The following TRIM2 variants were observed in gnomAD, a reference collection of about 807,000 sequenced individuals.
The protein encoded by TRIM2 is tripartite motif-containing protein 2.
Under a neutral mutation model 75.2 loss-of-function variants are expected in TRIM2, and 20 were observed. The observed-to-expected ratio is 0.27, with a 90% confidence interval of 0.19 to 0.39. TRIM2 has a LOEUF of 0.39. Ranked by LOEUF, TRIM2 falls within the 10% of genes least tolerant of loss-of-function variation. TRIM2 has a pLI of 1.00. For missense variants in TRIM2, 660 were observed against 990.8 expected, an observed-to-expected ratio of 0.67 and a Z score of 4.48; for synonymous variants, 373 against 388.3, an observed-to-expected ratio of 0.96 and a Z score of 0.46.
intron 6 of TRIM2, among the ~76,000 whole-genome samples, chr4:153,312,113 G>A (rs1268491039): frequency 7.4e-6 from 1 of 135,132 alleles, no homozygotes; most frequent in Admixed American, 8.9e-5. Context: ...CCCTTCCTGT[G>A]TCCATGTGTT....
chr4:153,334,961 C>T lies in TRIM2; in HGVS notation c.2311C>T (p.Gln771Ter), dbSNP rs1158707043. ...CTGTTTCAAAGTCTATCGATACTTA[C>T]AGTAATGGTGGGCAGGTGGATACCC... ...NHCFKVYRYL[Q>*] Residue 771 changes from glutamine (Q) to a stop codon, truncating the protein, a stop_gained, in exon 12 of 12, where the codon CAG (glutamine) becomes TAG (stop). Coordinates refer to ENST00000338700, the MANE Select transcript of TRIM2 (RefSeq NM_015271.5). LOFTEE classifies it high-confidence loss of function. 6.2e-7 allele frequency: 1 copy of T among 1,612,416 alleles called. No individual in the cohort carries two copies.
At chr4:153,181,781 G>A (rs1325773356) in intron 1 of TRIM2, among the ~76,000 whole-genome samples, 6 of 152,100 alleles carry the variant, frequency 3.9e-5, no homozygotes, top group Non-Finnish European at 5.9e-5. Flanking sequence ...ACTCAGGATC[G>A]TTGGGTGCCC....
chr4:153,264,146 G>C (rs72729607), intron 1 of TRIM2, among the ~76,000 whole-genome samples: 12,849 of 152,260 alleles, frequency 0.084, 710 homozygotes, highest in Middle Eastern at 0.13. Context: ...CTGGACAAAG[G>C]GGAGTGAGCT....
intron 1 of TRIM2, among the ~76,000 whole-genome samples, chr4:153,160,359 G>A (rs893953772): frequency 2.6e-5 from 4 of 152,154 alleles, no homozygotes; most frequent in African/African-American, 9.7e-5. Context: ...TGAGACAGGC[G>A]AGCAAAAATC....
chr4:153,166,368 C>A (rs4696428), intron 1 of TRIM2, among the ~76,000 whole-genome samples: 1 of 151,910 alleles, frequency 6.6e-6, no homozygotes, highest in Non-Finnish European at 1.5e-5. Context: ...GGAGTCTTTG[C>A]GTGATTGATG....
At chr4:153,238,562 A>G (rs1745622288) in intron 1 of TRIM2, among the ~76,000 whole-genome samples, 1 of 152,242 alleles carries the variant, frequency 6.6e-6, no homozygotes, top group Non-Finnish European at 1.5e-5. Context: ...GAGGAAAAGC[A>G]TGTATAAAGG....
intron 1 of TRIM2, among the ~76,000 whole-genome samples, chr4:153,170,644 C>G (rs79831238): frequency 0.035 from 5,272 of 152,256 alleles, 129 homozygotes; most frequent in Non-Finnish European, 0.054. Flanking sequence ...AGCTTTTACT[C>G]CTCTTGGGAA....
intron 1 of TRIM2, among the ~76,000 whole-genome samples, chr4:153,255,313 A>T (rs1489145690): frequency 6.6e-6 from 1 of 152,214 alleles, no homozygotes; most frequent in Non-Finnish European, 1.5e-5. Flanking sequence ...AAGACCAAAG[A>T]TCTCTCCCAC....
At chr4:153,334,530 T>C (rs1772195796) in intron 11 of TRIM2, among the ~76,000 whole-genome samples, 1 of 152,054 alleles carries the variant, frequency 6.6e-6, no homozygotes, top group Non-Finnish European at 1.5e-5. Context: ...ACCTGGCTTA[T>C]GCTAATGTTT....
chr4:153,287,286 G>A lies in TRIM2; in HGVS notation c.454-5696G>A, dbSNP rs569280332. 4.6e-5 allele frequency among the ~76,000 whole-genome samples: 7 copies of A among 152,194 alleles called. No individual in the cohort carries two copies. In the South Asian group the frequency reaches 1.5e-3, roughly 32 times the overall value. The stretch of plus-strand genomic sequence containing the variant: ...TGAGCCACCATATCTGGGCCATCCT[G>A]TCACTTTCAACCTATTTGAGTCTCT... On this transcript the variant is annotated intron_variant, in intron 3 of 11. Coordinates refer to ENST00000338700, the MANE Select transcript of TRIM2 (RefSeq NM_015271.5).
chr4:153,234,623 A>G (rs2149813423), intron 1 of TRIM2, among the ~76,000 whole-genome samples: 1 of 152,312 alleles, frequency 6.6e-6, no homozygotes, highest in African/African-American at 2.4e-5. Context: ...GCTTAGAGTC[A>G]TTGTCTGTAA....
intron 6 of TRIM2, chr4:153,307,951 C>A: frequency 1.3e-6 from 1 of 755,580 alleles, no homozygotes; most frequent in Non-Finnish European, 2.5e-6. Context: ...TACAGCCGGT[C>A]AGCGAAATAC....
rs1729865683 is a variant in TRIM2 at position 153,162,761 on chromosome 4, AC to A, written c.-49+9493del. ...GGCCTCTGTTGTAGCCTTGAGTTAT[AC>A]CACACCTCAGTAATAGGAAGAGCTC... On this transcript the variant is annotated intron_variant, in intron 1 of 11. Transcript: ENST00000437508. Among the ~76,000 whole-genome samples, 7 of 152,332 alleles carry A rather than the reference AC, an allele frequency of 4.6e-5. 1 individual carries two copies. Among genetic ancestry groups the A allele is most frequent in the Middle Eastern group, 6.8e-3 (2 of 294 alleles).
rs1311729758 is a variant in TRIM2 at position 153,295,191 on chromosome 4, C to T, written c.787-122C>T. The stretch of plus-strand genomic sequence containing the variant: ...CTGGGTTCCCTGGGTTGACAAACAC[C>T]GCTTGCTCAGAGCCACCTGCGTGGG... On this transcript the variant is annotated intron_variant, in intron 5 of 11. Coordinates refer to ENST00000338700, the MANE Select transcript of TRIM2 (RefSeq NM_015271.5). This position sits in a 1 kb window ranked among gnomAD's most constrained non-coding sequence, Gnocchi z 7.2. The T allele has an allele frequency of 1.5e-5, 20 of 1,341,704 alleles. No homozygotes were observed. The East Asian group carries it at 3.8e-4, about 26-fold the overall frequency. 83.1% of individuals were successfully genotyped at this position (1,341,704 alleles called of 1,614,324 possible).
At chr4:153,169,556 G>T (rs961312842) in intron 1 of TRIM2, among the ~76,000 whole-genome samples, 1 of 151,640 alleles carries the variant, frequency 6.6e-6, no homozygotes, top group Non-Finnish European at 1.5e-5. Context: ...CATTTTTCTG[G>T]CATATTTCAA....
At position 153,335,177 on chromosome 4, in the gene TRIM2, G is replaced by A; in HGVS notation, c.*211G>A. 1 of 1,244,418 alleles carries A rather than the reference G, an allele frequency of 8.0e-7. No individual in the cohort carries two copies. Among genetic ancestry groups the A allele is most frequent in the Non-Finnish European group, 1.0e-6 (1 of 992,070 alleles). The allele number at this position is 1,244,418 out of a possible 1,614,324, so 77.1% of individuals were successfully genotyped here. A position where few individuals can be genotyped will look rare whatever the true frequency, so the allele number is the denominator to read the frequency against. ...TAGGGTTAAAAAAAACTCTTCTACT[G>A]AATCTATAAAAACTGCAGTTTTACA... On this transcript the variant is annotated 3_prime_UTR_variant, in exon 12 of 12. Coordinates refer to ENST00000338700, the MANE Select transcript of TRIM2 (RefSeq NM_015271.5).
At chr4:153,178,826 G>A (rs1359532036) in intron 1 of TRIM2, among the ~76,000 whole-genome samples, 1 of 152,186 alleles carries the variant, frequency 6.6e-6, no homozygotes, top group Non-Finnish European at 1.5e-5. Context: ...ACTTAATGCA[G>A]CTGTCACAGA....
chr4:153,197,600 A>C (rs1212490759), intron 1 of TRIM2, among the ~76,000 whole-genome samples: 1 of 152,146 alleles, frequency 6.6e-6, no homozygotes, highest in Admixed American at 6.5e-5. Flanking sequence ...AAAGAGACCA[A>C]GTGGCTCATG....
chr4:153,250,864 A>G (rs574786267), intron 1 of TRIM2, among the ~76,000 whole-genome samples: 37 of 152,340 alleles, frequency 2.4e-4, no homozygotes, highest in Admixed American at 1.7e-3. Context: ...CTGAAGGCAG[A>G]TAACTCAGTC....
Sources: allele counts gnomAD v4.1 joint callset (sites outside exome capture counted in the v4.1 genomes callset), GRCh38; gene constraint gnomAD v4.1.1; non-coding constraint Gnocchi (gnomAD v3.1); transcripts MANE v1.5; gene names NCBI Gene and HGNC (gene_info 2026-07-23, HGNC 2026-07-21).